Variants in CADM2 observed in about 807,000 individuals in gnomAD.
CADM2 encodes the protein immunoglobulin superfamily member 4D.
A neutral mutation model predicts 49.8 loss-of-function variants in CADM2; 12 were observed. The ratio of observed to expected loss-of-function variants is 0.24; its 90% CI spans 0.15 to 0.39. The LOEUF is 0.39. Among genes scored for constraint, CADM2 ranks in the 10% least tolerant of loss-of-function variants. CADM2 has a pLI of 1.00. For synonymous variants in CADM2, 214 were observed against 175.4 expected (o/e 1.22, Z -1.74); for missense variants, 378 against 492.3 (o/e 0.77, Z 2.20).
intron 1 of CADM2, among the ~76,000 whole-genome samples, chr3:85,640,482 C>T (rs1220736704): frequency 5.9e-5 from 9 of 152,140 alleles, no homozygotes; most frequent in African/African-American, 2.4e-5. Flanking sequence ...CTCATAATCA[C>T]GTATTCACCA....
At chr3:84,975,497 ACCC>A (rs1239045727) in intron 1 of CADM2, among the ~76,000 whole-genome samples, 2 of 151,684 alleles carry the variant, frequency 1.3e-5, no homozygotes, top group Non-Finnish European at 3.0e-5. Flanking sequence ...TCTAATGAAA[ACCC>A]GGATATAAAG....
At chr3:85,177,289 C>T (rs1241745409) in intron 1 of CADM2, among the ~76,000 whole-genome samples, 2 of 151,958 alleles carry the variant, frequency 1.3e-5, no homozygotes, top group African/African-American at 4.8e-5. Context: ...AGTGAATGGT[C>T]TTCTATATTC....
At chr3:85,804,850 C>T (rs1373909993) in intron 3 of CADM2, among the ~76,000 whole-genome samples, 1 of 152,104 alleles carries the variant, frequency 6.6e-6, no homozygotes, top group Non-Finnish European at 1.5e-5. Flanking sequence ...AAAGTCATGC[C>T]ATATTTGGGA....
chr3:85,657,290 G>A (rs1405719459), intron 1 of CADM2, among the ~76,000 whole-genome samples: 2 of 152,052 alleles, frequency 1.3e-5, no homozygotes, highest in Non-Finnish European at 2.9e-5. Context: ...TGGTTTTCTT[G>A]TTGATTACAT....
chr3:85,686,242 A>G (rs1053285857), intron 1 of CADM2, among the ~76,000 whole-genome samples: 1 of 152,128 alleles, frequency 6.6e-6, no homozygotes, highest in African/African-American at 2.4e-5. Flanking sequence ...TAGGGTTTTT[A>G]TTGGGGGTTT....
At chr3:85,555,274 T>C (rs970053646) in intron 1 of CADM2, among the ~76,000 whole-genome samples, 24 of 152,200 alleles carry the variant, frequency 1.6e-4, no homozygotes, top group Non-Finnish European at 1.6e-4. Context: ...TTTGATGCTT[T>C]CCAGCAGTTT....
chr3:85,194,769 AGATT>A (rs2041296894), intron 1 of CADM2, among the ~76,000 whole-genome samples: 1 of 152,038 alleles, frequency 6.6e-6, no homozygotes, highest in African/African-American at 2.4e-5. Flanking sequence ...ATTCTTACAT[AGATT>A]AAGAAGTGTC....
chr3:85,996,290 C>CTTTTTTTTTTT (rs397990432), intron 8 of CADM2, among the ~76,000 whole-genome samples: 1 of 89,312 alleles, frequency 1.1e-5, no homozygotes. Context: ...TTTTCATTTA[C>CTTTTTTTTTTT]TTTTTTTTTT....
intron 1 of CADM2, among the ~76,000 whole-genome samples, chr3:85,200,954 G>T (rs2041483189): frequency 6.6e-6 from 1 of 151,990 alleles, no homozygotes; most frequent in Admixed American, 6.6e-5. Flanking sequence ...ATACAAATGT[G>T]TGTGCTCTAA....
chr3:85,529,283 C>A (rs1312352810), intron 1 of CADM2, among the ~76,000 whole-genome samples: 1 of 152,152 alleles, frequency 6.6e-6, no homozygotes, highest in African/African-American at 2.4e-5. Flanking sequence ...GCTAAGTACA[C>A]CTGCAGTTAT....
intron 1 of CADM2, among the ~76,000 whole-genome samples, chr3:85,715,006 A>G (rs183495995): frequency 6.6e-6 from 1 of 152,306 alleles, no homozygotes; most frequent in Admixed American, 6.5e-5. Flanking sequence ...AAAAAAAATT[A>G]TCAGTGGTAT....
intron 2 of CADM2, among the ~76,000 whole-genome samples, chr3:85,768,790 T>C (rs1363858034): frequency 5.9e-5 from 7 of 119,490 alleles, no homozygotes; most frequent in African/African-American, 2.4e-4. Context: ...ATATATAGTA[T>C]ATATACACAT....
intron 1 of CADM2, among the ~76,000 whole-genome samples, chr3:85,057,159 CTTA>C (rs1280562094): frequency 6.6e-6 from 1 of 152,098 alleles, no homozygotes; most frequent in Admixed American, 6.5e-5. Context: ...TGTGAGTACA[CTTA>C]TTATGCACAA....
chr3:85,656,864 A>C (rs2107597943), intron 1 of CADM2, among the ~76,000 whole-genome samples: 1 of 152,230 alleles, frequency 6.6e-6, no homozygotes, highest in Non-Finnish European at 1.5e-5. Context: ...TAATAAATTA[A>C]ATTCAAACTG....
chr3:85,085,898 G>A lies in CADM2; in HGVS notation c.61+126230G>A, dbSNP rs2037350708. Among the ~76,000 whole-genome samples the A allele has an allele frequency of 3.9e-5, 6 of 152,024 alleles. No individual in the cohort carries two copies. The South Asian group carries it at 1.2e-3, about 31-fold the overall frequency. ...ATTTGATCACCTGGGAGTATTTAAA[G>A]AACAATTTTTCATGGGTAGGGCATC... On this transcript the variant is annotated intron_variant, in intron 1 of 9. Transcript: ENST00000383699.
At chr3:85,650,328 A>G (rs148089840) in intron 1 of CADM2, among the ~76,000 whole-genome samples, 9 of 152,298 alleles carry the variant, frequency 5.9e-5, no homozygotes, top group African/African-American at 2.2e-4. Flanking sequence ...ACAGGCTTTA[A>G]TAATAATTGT....
At chr3:85,315,296 G>A (rs144126678) in intron 1 of CADM2, among the ~76,000 whole-genome samples, 175 of 152,140 alleles carry the variant, frequency 1.2e-3, no homozygotes, top group African/African-American at 4.1e-3. Flanking sequence ...ATAGATTAAG[G>A]GTCCATCACA....
chr3:85,715,931 G>A (rs1342731446), intron 1 of CADM2, among the ~76,000 whole-genome samples: 1 of 152,182 alleles, frequency 6.6e-6, no homozygotes, highest in Non-Finnish European at 1.5e-5. Flanking sequence ...TTGGTTCCAA[G>A]TCTTTGCTAT....
intron 1 of CADM2, among the ~76,000 whole-genome samples, chr3:85,465,651 C>A (rs2038458765): frequency 1.3e-5 from 2 of 152,050 alleles, no homozygotes; most frequent in African/African-American, 4.8e-5. Context: ...AAAAAGATAT[C>A]CATGAAGATT....
Sources: gnomAD v4.1 joint callset for allele counts (sites outside exome capture counted in the v4.1 genomes callset) on GRCh38, gnomAD v4.1.1 for gene constraint, MANE v1.5 for transcripts, NCBI Gene and HGNC (gene_info 2026-07-23, HGNC 2026-07-21) for gene names.